GPR158: variants seen among roughly 807,000 people sequenced by gnomAD.
GPR158 encodes metabotropic glycine receptor.
GPR158 carries 30 observed loss-of-function variants against 78.2 expected under a neutral mutation model. The ratio of observed to expected loss-of-function variants is 0.38; its 90% CI spans 0.29 to 0.52. The LOEUF is 0.52. Among genes scored for constraint, GPR158 ranks in the 20% least tolerant of loss-of-function variants. The probability of loss-of-function intolerance (pLI) is 0.83; values close to 1 mark genes in which losing one functional copy is unlikely to be tolerated. For missense variants in GPR158, 1,463 were observed against 1,523.5 expected (o/e 0.96, Z 0.66); for synonymous variants, 581 against 591.1 (o/e 0.98, Z 0.25).
chr10:25,222,636 C>T (rs965519775), intron 2 of GPR158, among the ~76,000 whole-genome samples: 2 of 152,146 alleles, frequency 1.3e-5, no homozygotes, highest in African/African-American at 4.8e-5. Context: ...AATCGCTTGG[C>T]TTGGTGAATA....
intron 2 of GPR158, among the ~76,000 whole-genome samples, chr10:25,341,700 TA>T (rs1855304765): frequency 6.6e-6 from 1 of 151,958 alleles, no homozygotes; most frequent in Non-Finnish European, 1.5e-5. Flanking sequence ...TTCACTTTCA[TA>T]AACTATTATT....
At chr10:25,430,434 T>G (rs1279778048) in intron 4 of GPR158, among the ~76,000 whole-genome samples, 50 of 149,456 alleles carry the variant, frequency 3.3e-4, no homozygotes, top group Admixed American at 2.3e-3. Context: ...TGGCCATACT[T>G]CCCAAGGTAA....
chr10:25,580,043 T>A (rs1837167417), intron 7 of GPR158, among the ~76,000 whole-genome samples: 1 of 152,224 alleles, frequency 6.6e-6, no homozygotes, highest in African/African-American at 2.4e-5. Flanking sequence ...CACTGATACA[T>A]GAGGAGTCTC....
At chr10:25,275,952 G>A (rs1285677244) in intron 2 of GPR158, among the ~76,000 whole-genome samples, 2 of 152,128 alleles carry the variant, frequency 1.3e-5, no homozygotes, top group African/African-American at 4.8e-5. Context: ...ATTTATGTGA[G>A]GAGAAAATTG....
At chr10:25,340,785 A>C (rs1855291448) in intron 2 of GPR158, among the ~76,000 whole-genome samples, 1 of 152,054 alleles carries the variant, frequency 6.6e-6, no homozygotes, top group Admixed American at 6.6e-5. Flanking sequence ...GGAAGAGCAG[A>C]GAATGAAACA....
chr10:25,440,938 G>A (rs1225985466), intron 4 of GPR158, among the ~76,000 whole-genome samples: 1 of 152,140 alleles, frequency 6.6e-6, no homozygotes, highest in Non-Finnish European at 1.5e-5. Context: ...AAATAGATTA[G>A]AGGTAGGACT....
At chr10:25,225,386 A>ATGGAAAAT (rs1268519237) in intron 2 of GPR158, among the ~76,000 whole-genome samples, 2 of 152,068 alleles carry the variant, frequency 1.3e-5, no homozygotes, top group Admixed American at 1.3e-4. Flanking sequence ...AAGGCAATAA[A>ATGGAAAAT]TGGAAAATTG....
rs1278330095 is a variant in GPR158 at position 25,572,666 on chromosome 10, T to C, written c.1532T>C (p.Leu511Pro). Residue 511 changes from leucine (L) to proline (P), a missense_variant, in exon 7 of 11, where the codon CTT becomes CCT. Physicochemically the swap from Leu to Pro is moderately conservative, Grantham distance 98. Coordinates refer to ENST00000376351, the MANE Select transcript of GPR158 (RefSeq NM_020752.3). ...TTTTCTAGGGTTTTGAAGGTGTTTC[T>C]TTCACGAACGGCTCAACGAATTCCA... is the stretch of plus-strand genomic sequence containing the variant. Reference protein sequence around the residue: ...LKLHRVLKVFLSRTAQRIPYM... With the variant: ...LKLHRVLKVFPSRTAQRIPYM... 6.2e-7 allele frequency: 1 copy of C among 1,612,778 alleles called. No individual in the cohort carries two copies. The highest frequency in any genetic ancestry group is 1.3e-5 in the African/African-American group (1 of 74,902).
In GPR158 at chr10:25,374,500, C is replaced by A. The variant is rs35522429; in HGVS notation, c.1009-21411C>A. On this transcript the variant is annotated intron_variant, in intron 2 of 10. Coordinates refer to ENST00000376351, the MANE Select transcript of GPR158 (RefSeq NM_020752.3). ...CAAATGTAGGTTTGTATAACCATTACCACAATTACAATACAGAACTTCATT... is the reference window on the plus strand; with the variant it reads ...CAAATGTAGGTTTGTATAACCATTAACACAATTACAATACAGAACTTCATT... 4.3e-3 allele frequency among the ~76,000 whole-genome samples: 649 copies of A among 151,794 alleles called. 2 individuals are homozygous for A. The highest frequency in any genetic ancestry group is 0.01 in the Middle Eastern group (3 of 294).
chr10:25,477,600 T>C (rs895891354), intron 5 of GPR158, among the ~76,000 whole-genome samples: 1 of 152,074 alleles, frequency 6.6e-6, no homozygotes, highest in Admixed American at 6.6e-5. Context: ...ACAAGTAGAC[T>C]ATGATTTTTA....
intron 3 of GPR158, among the ~76,000 whole-genome samples, chr10:25,397,675 C>A (rs560526042): frequency 6.6e-6 from 1 of 152,234 alleles, no homozygotes; most frequent in East Asian, 1.9e-4. Context: ...CCGTCTCCTC[C>A]GCCGCATATT....
intron 2 of GPR158, among the ~76,000 whole-genome samples, chr10:25,353,760 G>A (rs1487927958): frequency 6.6e-6 from 1 of 151,948 alleles, no homozygotes; most frequent in African/African-American, 2.4e-5. Context: ...TATAGAATTG[G>A]GTTTTCTGAA....
intron 2 of GPR158, among the ~76,000 whole-genome samples, chr10:25,315,737 A>G (rs200393237): frequency 0.2 from 30,565 of 151,820 alleles, 5,173 homozygotes; most frequent in African/African-American, 0.47. Flanking sequence ...TAAAGTTTTA[A>G]AGTTAGGAAG....
rs563857845 is a variant in GPR158 at position 25,304,263 on chromosome 10, A to C, written c.1008+83106A>C. On this transcript the variant is annotated intron_variant, in intron 2 of 10. Coordinates refer to ENST00000376351, the MANE Select transcript of GPR158 (RefSeq NM_020752.3). ...GTTATATCACCTTAGCAACTGTCTG[A>C]TAGTATTATTTGCATGGATATCTAA... Among the ~76,000 whole-genome samples the C allele has an allele frequency of 6.6e-5, 10 of 152,204 alleles. No individual in the cohort carries two copies. In the South Asian group the frequency reaches 2.1e-3, roughly 32 times the overall value.
intron 5 of GPR158, among the ~76,000 whole-genome samples, chr10:25,528,012 C>G (rs1449739249): frequency 6.6e-6 from 1 of 151,958 alleles, no homozygotes; most frequent in Non-Finnish European, 1.5e-5. Context: ...TTTGAATACA[C>G]ATTTTCATAT....
chr10:25,196,420 C>T (rs1362294038), intron 1 of GPR158, among the ~76,000 whole-genome samples: 2 of 151,928 alleles, frequency 1.3e-5, no homozygotes, highest in Admixed American at 6.6e-5. Flanking sequence ...TCTTTTGTTC[C>T]CTGAATTATT....
chr10:25,465,233 T>G (rs1835406019), intron 4 of GPR158, among the ~76,000 whole-genome samples: 1 of 152,206 alleles, frequency 6.6e-6, no homozygotes, highest in Non-Finnish European at 1.5e-5. Context: ...GCAAATTATT[T>G]TCCTGTTAAG....
chr10:25,193,922 C>CA (rs1259593666), intron 1 of GPR158, among the ~76,000 whole-genome samples: 9 of 150,492 alleles, frequency 6.0e-5, no homozygotes, highest in African/African-American at 2.2e-4. Flanking sequence ...GAATTCCTTG[C>CA]AAAAATCACT....
intron 2 of GPR158, among the ~76,000 whole-genome samples, chr10:25,226,981 C>A (rs1412436674): frequency 6.6e-6 from 1 of 152,196 alleles, no homozygotes; most frequent in Non-Finnish European, 1.5e-5. Context: ...CCAAAGGAGG[C>A]CATATCACCA....
Sources: allele counts gnomAD v4.1 joint callset (sites outside exome capture counted in the v4.1 genomes callset), GRCh38; gene constraint gnomAD v4.1.1; transcripts MANE v1.5; gene names NCBI Gene and HGNC (gene_info 2026-07-23, HGNC 2026-07-21).